CACNA2D3: variants seen among roughly 807,000 people sequenced by gnomAD.
The protein encoded by CACNA2D3 is voltage-dependent calcium channel subunit alpha-2/delta-3.
CACNA2D3 carries 60 observed loss-of-function variants against 160.6 expected under a neutral mutation model. The ratio of observed to expected loss-of-function variants is 0.37; its 90% CI spans 0.30 to 0.46. CACNA2D3 has a LOEUF of 0.46. Among genes scored for constraint, CACNA2D3 ranks in the 20% least tolerant of loss-of-function variants. The probability of loss-of-function intolerance (pLI) is 1.00; values close to 1 mark genes in which losing one functional copy is unlikely to be tolerated. For missense variants in CACNA2D3, 1,205 were observed against 1,365.0 expected (o/e 0.88, Z 1.85); for synonymous variants, 558 against 492.9 (o/e 1.13, Z -1.75).
intron 2 of CACNA2D3, among the ~76,000 whole-genome samples, chr3:54,126,481 T>C (rs1198056839): frequency 1.3e-5 from 2 of 152,246 alleles, no homozygotes; most frequent in East Asian, 1.9e-4. Flanking sequence ...GTTTTGCCGC[T>C]TTAGCCTATT....
chr3:54,543,080 T>C (rs1407326387), intron 5 of CACNA2D3, among the ~76,000 whole-genome samples: 1 of 152,154 alleles, frequency 6.6e-6, no homozygotes, highest in African/African-American at 2.4e-5. Flanking sequence ...GGAAGTTACA[T>C]TTATTCCGAT....
chr3:54,126,799 C>G (rs1454202487), intron 2 of CACNA2D3, among the ~76,000 whole-genome samples: 1 of 152,198 alleles, frequency 6.6e-6, no homozygotes, highest in Non-Finnish European at 1.5e-5. Flanking sequence ...CTGGCAGATA[C>G]TGCAGGGGTT....
At chr3:54,247,242 A>T (rs531773159) in intron 2 of CACNA2D3, among the ~76,000 whole-genome samples, 2 of 152,170 alleles carry the variant, frequency 1.3e-5, no homozygotes, top group South Asian at 4.2e-4. Flanking sequence ...CCCTGGAGGT[A>T]GGTGGAGGTT....
At chr3:54,419,095 G>T (rs1274372894) in intron 4 of CACNA2D3, among the ~76,000 whole-genome samples, 1 of 152,156 alleles carries the variant, frequency 6.6e-6, no homozygotes, top group East Asian at 1.9e-4. Flanking sequence ...AATACAATTT[G>T]CCAAAGAGGA....
In CACNA2D3 at chr3:54,648,701, C is replaced by T. The variant is rs181386466; in HGVS notation, c.1167+6460C>T. On this transcript the variant is annotated intron_variant, in intron 11 of 37. Coordinates refer to ENST00000474759, the MANE Select transcript of CACNA2D3 (RefSeq NM_018398.3). ...AAAGAGGTGTATATGGCACGTGGAT[C>T]TGCTGGATGTACAAGAAATATGGTG... is the stretch of plus-strand genomic sequence containing the variant. Among the ~76,000 whole-genome samples, 44 of 152,340 alleles carry T rather than the reference C, an allele frequency of 2.9e-4. 1 individual carries two copies. In the East Asian group the frequency reaches 7.7e-3, roughly 27 times the overall value.
Position 54,471,641 on chromosome 3 carries a change from G to A in CACNA2D3, c.382-31851G>A, listed in dbSNP as rs905053825. Among the ~76,000 whole-genome samples the A allele has an allele frequency of 3.3e-5, 5 of 152,124 alleles. No individual in the cohort carries two copies. The East Asian group carries it at 9.6e-4, about 29-fold the overall frequency. ...GTTTTTTTAAAAGATTAACAAAATA[G>A]CTAGACCACTAGCCAGACTAATAAA... On this transcript the variant is annotated intron_variant, in intron 4 of 37. Transcript: ENST00000474759.
At chr3:54,328,254 C>T (rs150664726) in intron 3 of CACNA2D3, among the ~76,000 whole-genome samples, 15 of 152,016 alleles carry the variant, frequency 9.9e-5, no homozygotes, top group Admixed American at 9.8e-4. Flanking sequence ...AGTTTAGTAT[C>T]TCATGGTTTT....
intron 2 of CACNA2D3, among the ~76,000 whole-genome samples, chr3:54,295,634 A>T (rs1703325262): frequency 6.6e-6 from 1 of 152,182 alleles, no homozygotes; most frequent in Admixed American, 6.5e-5. Context: ...TGAATGCACA[A>T]TTTACAGGAA....
At chr3:54,736,052 CATATGTAT>C (rs1701504780) in intron 11 of CACNA2D3, among the ~76,000 whole-genome samples, 5 of 47,262 alleles carry the variant, frequency 1.1e-4, no homozygotes, top group African/African-American at 4.5e-4. Context: ...TATACACATA[CATATGTAT>C]GTATATATAT....
At chr3:54,561,092 A>G (rs1227095143) in intron 5 of CACNA2D3, among the ~76,000 whole-genome samples, 4 of 152,188 alleles carry the variant, frequency 2.6e-5, no homozygotes, top group African/African-American at 9.7e-5. Context: ...ATTTAAAAAT[A>G]GTTTTTCTAG....
At chr3:54,685,711 T>C (rs1700437615) in intron 11 of CACNA2D3, among the ~76,000 whole-genome samples, 1 of 152,248 alleles carries the variant, frequency 6.6e-6, no homozygotes, top group South Asian at 2.1e-4. Flanking sequence ...TAACTGTTCA[T>C]GGCTAGCTAT....
intron 11 of CACNA2D3, among the ~76,000 whole-genome samples, chr3:54,745,315 G>C (rs1199983551): frequency 6.6e-6 from 1 of 151,888 alleles, no homozygotes; most frequent in Non-Finnish European, 1.5e-5. Context: ...ACCTGGTCCT[G>C]GGGTGATTAG....
intron 13 of CACNA2D3, 142 bp downstream of exon 13, chr3:54,764,493 C>A (rs1439206883): frequency 8.4e-6 from 8 of 953,580 alleles, no homozygotes; most frequent in Non-Finnish European, 1.2e-5. Flanking sequence ...GTGTTGGTCA[C>A]CTTGACAAGC....
At chr3:54,960,871 T>C (rs759365076) in intron 27 of CACNA2D3, among the ~76,000 whole-genome samples, 6 of 152,244 alleles carry the variant, frequency 3.9e-5, no homozygotes, top group Non-Finnish European at 8.8e-5. Flanking sequence ...TTGTTATTCA[T>C]GTGGTAAGTC....
intron 13 of CACNA2D3, among the ~76,000 whole-genome samples, chr3:54,809,660 C>T (rs1703247187): frequency 1.3e-5 from 2 of 151,658 alleles, no homozygotes; most frequent in Non-Finnish European, 2.9e-5. Context: ...CTTTCTTCCC[C>T]TCCCTCCCTT....
At chr3:55,009,532 A>G (rs1471955751) in intron 34 of CACNA2D3, 89 bp downstream of exon 34, 5 of 1,220,066 alleles carry the variant, frequency 4.1e-6, no homozygotes, top group African/African-American at 3.0e-5. Context: ...GCTGGCTCAC[A>G]GAAAATTCCC....
At chr3:54,530,666 C>T (rs1004232459) in intron 5 of CACNA2D3, among the ~76,000 whole-genome samples, 4 of 152,194 alleles carry the variant, frequency 2.6e-5, no homozygotes, top group African/African-American at 9.6e-5. Context: ...CTCACAGCAG[C>T]CCTCTGAAGA....
At chr3:54,709,915 AC>A (rs1700924778) in intron 11 of CACNA2D3, among the ~76,000 whole-genome samples, 1 of 152,144 alleles carries the variant, frequency 6.6e-6, no homozygotes, top group African/African-American at 2.4e-5. Flanking sequence ...AAAGAGCAAG[AC>A]CCTGTCTCTA....
At chr3:54,215,682 C>T (rs1336740332) in intron 2 of CACNA2D3, among the ~76,000 whole-genome samples, 1 of 152,108 alleles carries the variant, frequency 6.6e-6, no homozygotes, top group Non-Finnish European at 1.5e-5. Flanking sequence ...AGCCGCAGTG[C>T]TTAGAACAGG....
Sources: allele counts gnomAD v4.1 joint callset (sites outside exome capture counted in the v4.1 genomes callset), GRCh38; gene constraint gnomAD v4.1.1; transcripts MANE v1.5; gene names NCBI Gene and HGNC (gene_info 2026-07-23, HGNC 2026-07-21).